DNAH8: variants seen among roughly 807,000 people sequenced by gnomAD.
DNAH8 encodes the protein axonemal beta dynein heavy chain 8.
DNAH8 carries 382 observed loss-of-function variants against 562.1 expected under a neutral mutation model. The ratio of observed to expected loss-of-function variants is 0.68; its 90% CI spans 0.63 to 0.74. The LOEUF is 0.74. Ranked by LOEUF, DNAH8 falls within the 30% of genes least tolerant of loss-of-function variation. DNAH8 has a pLI of 0.00. For synonymous variants in DNAH8, 1,881 were observed against 1,919.4 expected (o/e 0.98, Z 0.52); for missense variants, 5,203 against 5,620.4 (o/e 0.93, Z 2.37).
intron 13 of DNAH8, among the ~76,000 whole-genome samples, chr6:38,776,305 C>T (rs1473643052): frequency 6.6e-6 from 1 of 151,640 alleles, no homozygotes; most frequent in Admixed American, 6.6e-5. Context: ...GCAACCTCCA[C>T]CTCCCGAGTT....
At chr6:38,757,579 G>A (rs1477288168) in intron 10 of DNAH8, among the ~76,000 whole-genome samples, 1 of 152,162 alleles carries the variant, frequency 6.6e-6, no homozygotes, top group Non-Finnish European at 1.5e-5. Context: ...TGGTGTTTTA[G>A]ACATGAAGTC....
chr6:38,886,860 T>C lies in DNAH8; in HGVS notation c.8329T>C (p.Phe2777Leu), dbSNP rs899750674. The C allele has an allele frequency of 1.9e-6, 3 of 1,613,998 alleles. No homozygotes were observed. Among genetic ancestry groups the C allele is most frequent in the Non-Finnish European group, 2.5e-6 (3 of 1,179,984 alleles). ...GTACAGCTTGGACAAGCCTGGAGAC[T>C]TCACTACTATTGTTGATGTGCAGCT... ...GMYSLDKPGDFTTIVDVQLIA... is the reference protein window; with the variant it reads ...GMYSLDKPGDLTTIVDVQLIA... Residue 2777 changes from phenylalanine to leucine, a missense_variant, in exon 57 of 93, where the codon TTC becomes CTC. By Grantham distance (22) the Phe-to-Leu change is conservative. Around this residue, in one of 6 missense-constraint regions of DNAH8, gnomAD observed 977 missense variants for 1,061.8 expected, o/e 0.92. Transcript: ENST00000327475.
At chr6:38,817,062 G>A (rs1207231957) in intron 26 of DNAH8, among the ~76,000 whole-genome samples, 1 of 152,162 alleles carries the variant, frequency 6.6e-6, no homozygotes, top group Non-Finnish European at 1.5e-5. Flanking sequence ...ACCAGGTAAG[G>A]CCCAGTGTGG....
rs145421476 is a variant in DNAH8 at position 38,752,667 on chromosome 6, GA to G, written c.1407+2080del. ...GCCTATATCACTTAGACTTGGAGAA[GA>G]AGGAGGTGTAAAGGCAGTTTATAAT... On this transcript the variant is annotated intron_variant, in intron 9 of 92. Transcript: ENST00000327475. Among the ~76,000 whole-genome samples, 86 of 152,290 alleles carry G rather than the reference GA, an allele frequency of 5.6e-4. 1 individual carries two copies. The highest frequency in any genetic ancestry group is 8.2e-4 in the Non-Finnish European group (56 of 68,024).
At position 38,973,736 on chromosome 6, in the gene DNAH8, A is replaced by G. The variant is rs139379184; in HGVS notation, c.12601A>G (p.Thr4201Ala). Residue 4201 changes from threonine to alanine, a missense_variant, in exon 84 of 93, where the codon ACT becomes GCT. Physicochemically the swap from Thr to Ala is moderately conservative, Grantham distance 58. This residue lies in a region of DNAH8 where 1,399 missense variants were observed against 1,518.4 expected (regional missense o/e 0.92). Coordinates refer to ENST00000327475, the MANE Select transcript of DNAH8 (RefSeq NM_001206927.2). Reference sequence around the variant, plus strand: ...AGAATTACTAGAGACGCTAATTACCACTGAAGCCAGTGATGATTCTTTCCG... The same window carrying G: ...AGAATTACTAGAGACGCTAATTACCGCTGAAGCCAGTGATGATTCTTTCCG... ...MEELLETLIT[T>A]EASDDSFRVW... The G allele has an allele frequency of 5.5e-5, 88 of 1,610,870 alleles. No homozygotes were observed. Among genetic ancestry groups the G allele is most frequent in the Middle Eastern group, 1.6e-4 (1 of 6,076 alleles).
intron 4 of DNAH8, among the ~76,000 whole-genome samples, chr6:38,733,008 C>A (rs930740715): frequency 6.6e-6 from 1 of 152,116 alleles, no homozygotes; most frequent in Non-Finnish European, 1.5e-5. Context: ...CCTGCCTCAA[C>A]CTCCTGAGTA....
In DNAH8 at chr6:38,734,616, T is replaced by C; in HGVS notation, c.753T>C (p.Thr251=). ...CRNDVAINVK[T]IQEEALFTVL... The stretch of plus-strand genomic sequence containing the variant: ...ATGATGTTGCTATAAATGTTAAAAC[T>C]ATTCAAGAGGTATGTTTAAAAATTT... Residue 251 remains threonine, a synonymous_variant, in exon 5 of 93, where the codon ACT becomes ACC. Transcript: ENST00000327475. The C allele has an allele frequency of 2.5e-6, 4 of 1,611,016 alleles. No individual in the cohort carries two copies. Among genetic ancestry groups the C allele is most frequent in the Non-Finnish European group, 3.4e-6 (4 of 1,179,472 alleles).
Position 38,795,875 on chromosome 6 carries a change from G to A in DNAH8, c.2901+4201G>A, listed in dbSNP as rs145583505. Among the ~76,000 whole-genome samples, 547 of 152,266 alleles carry A rather than the reference G, an allele frequency of 3.6e-3. 3 individuals carry two copies. Among genetic ancestry groups the A allele is most frequent in the African/African-American group, 0.012 (519 of 41,562 alleles). On this transcript the variant is annotated intron_variant, in intron 21 of 92. Coordinates refer to ENST00000327475, the MANE Select transcript of DNAH8 (RefSeq NM_001206927.2). The stretch of plus-strand genomic sequence containing the variant: ...TTGGGCCAAACTGTGGTTTCAGATC[G>A]TATTTGGGAATCAGGGCTATTTGCA...
At chr6:38,932,594 A>G (rs1375870112) in intron 76 of DNAH8, among the ~76,000 whole-genome samples, 1 of 152,242 alleles carries the variant, frequency 6.6e-6, no homozygotes, top group East Asian at 1.9e-4. Context: ...ATTGCATAAA[A>G]TATTTTATGT....
intron 10 of DNAH8, among the ~76,000 whole-genome samples, chr6:38,761,029 A>T (rs1766442531): frequency 6.8e-6 from 1 of 146,442 alleles, no homozygotes; most frequent in African/African-American, 2.5e-5. Flanking sequence ...TTTTTCTTCC[A>T]TCTTTGCCCT....
chr6:38,894,333 T>C (rs1375064295), intron 58 of DNAH8, among the ~76,000 whole-genome samples: 1 of 152,250 alleles, frequency 6.6e-6, no homozygotes, highest in African/African-American at 2.4e-5. Context: ...GTTTTTGTTA[T>C]GACATATTTC....
At chr6:38,828,797 T>G (rs1177429499) in intron 30 of DNAH8, among the ~76,000 whole-genome samples, 1 of 152,194 alleles carries the variant, frequency 6.6e-6, no homozygotes, top group Non-Finnish European at 1.5e-5. Context: ...TTTTAGTATA[T>G]TCACATTGTT....
chr6:38,923,326 C>T (rs1250879007), intron 72 of DNAH8, 141 bp downstream of exon 72: 9 of 980,926 alleles, frequency 9.2e-6, no homozygotes, highest in Non-Finnish European at 1.3e-5. Context: ...AGGTGAAATA[C>T]TATAGAGGGT....
rs746576087 is a variant in DNAH8 at position 38,723,078 on chromosome 6, C to T, written c.269C>T (p.Pro90Leu). 5.1e-5 allele frequency: 82 copies of T among 1,612,740 alleles called. No homozygotes were observed. The highest frequency in any genetic ancestry group is 6.8e-5 in the Non-Finnish European group (80 of 1,179,904). The change falls in exon 2 of 93, where the codon CCG becomes CTG. Residue 90 changes from proline to leucine, a missense_variant. Pro to Leu is a moderately conservative substitution (Grantham distance 98). Coordinates refer to ENST00000327475, the MANE Select transcript of DNAH8 (RefSeq NM_001206927.2). ...DLNRVRQRLA[P>L]RPVQSVISEV... ...AATAGAGTTCGACAGAGGCTTGCAC[C>T]GCGACCGGTTCAGTCAGTGATTTCG... is the stretch of plus-strand genomic sequence containing the variant.
chr6:39,029,239 G>A (rs1025169015), intron 92 of DNAH8, among the ~76,000 whole-genome samples: 29 of 151,952 alleles, frequency 1.9e-4, no homozygotes, highest in Admixed American at 1.6e-3. Flanking sequence ...GCCTTTCTTT[G>A]TAGTGTTACT....
At chr6:38,797,808 C>T (rs183761881) in intron 21 of DNAH8, among the ~76,000 whole-genome samples, 36 of 152,244 alleles carry the variant, frequency 2.4e-4, no homozygotes, top group African/African-American at 7.7e-4. Flanking sequence ...CGCTGGCTAC[C>T]GGCTGAAGAC....
chr6:38,756,767 G>A (rs964673901), intron 10 of DNAH8, among the ~76,000 whole-genome samples: 4 of 149,450 alleles, frequency 2.7e-5, no homozygotes, highest in African/African-American at 1.0e-4. Flanking sequence ...GAGAACATGC[G>A]GTGTTTGTTT....
intron 8 of DNAH8, among the ~76,000 whole-genome samples, chr6:38,746,887 C>T (rs1368060577): frequency 2.0e-5 from 3 of 151,704 alleles, no homozygotes; most frequent in Non-Finnish European, 2.9e-5. Flanking sequence ...TGAGATTGTG[C>T]CACTGCACTC....
At position 38,896,029 on chromosome 6, in the gene DNAH8, T is replaced by C. The variant is rs945592343; in HGVS notation, c.8748-4T>C. 1 of 1,607,668 alleles carries C rather than the reference T, an allele frequency of 6.2e-7. No homozygotes were observed. The highest frequency in any genetic ancestry group is 1.7e-4 in the Middle Eastern group (1 of 6,026). On this transcript the variant is annotated splice_polypyrimidine_tract_variant and splice_region_variant and intron_variant, in intron 59 of 92. Transcript: ENST00000327475. The stretch of plus-strand genomic sequence containing the variant: ...ACATTCTTACTACTACATTTTCCTT[T>C]CAGATTTATAACTCCTGAAGATGAG...
Sources: allele counts gnomAD v4.1 joint callset (sites outside exome capture counted in the v4.1 genomes callset), GRCh38; gene constraint gnomAD v4.1.1; regional missense constraint gnomAD v4.1.1; transcripts MANE v1.5; gene names NCBI Gene and HGNC (gene_info 2026-07-23, HGNC 2026-07-21).